The following DPP10 variants were observed in gnomAD, a reference collection of about 807,000 sequenced individuals.
DPP10 encodes inactive dipeptidyl peptidase 10.
In DPP10, 33 loss-of-function variants were observed where a neutral mutation model predicts 120.9. That is an observed-to-expected ratio of 0.27 (90% CI 0.21 to 0.37). DPP10 has a LOEUF of 0.37. DPP10 is among the 10% of genes least tolerant of loss of function. The pLI, the probability that DPP10 is intolerant of heterozygous loss-of-function variation, is 1.00. For missense variants in DPP10, 816 were observed against 942.8 expected (o/e 0.87, Z 1.76); for synonymous variants, 337 against 326.1 (o/e 1.03, Z -0.36).
At chr2:115,363,506 T>G (rs2064907169) in intron 3 of DPP10, among the ~76,000 whole-genome samples, 1 of 152,124 alleles carries the variant, frequency 6.6e-6, no homozygotes, top group African/African-American at 2.4e-5. Context: ...TATCTGTGAA[T>G]CAGTGTACAG....
intron 1 of DPP10, among the ~76,000 whole-genome samples, chr2:114,749,698 CACA>C (rs1311086466): frequency 2.0e-5 from 3 of 151,710 alleles, no homozygotes; most frequent in Non-Finnish European, 4.4e-5. Flanking sequence ...GCCTTGGTCT[CACA>C]ACAAGCCGGG....
intron 1 of DPP10, among the ~76,000 whole-genome samples, chr2:114,447,776 A>G (rs2104526386): frequency 6.6e-6 from 1 of 152,338 alleles, no homozygotes; most frequent in Non-Finnish European, 1.5e-5. Context: ...TTTCTTCAGC[A>G]TTAGGATGAG....
At chr2:114,482,564 G>A (rs10204212) in intron 1 of DPP10, among the ~76,000 whole-genome samples, 17,419 of 152,118 alleles carry the variant, frequency 0.11, 2,565 homozygotes, top group African/African-American at 0.34. Flanking sequence ...GATTTTGGCT[G>A]GGTTCATTTA....
chr2:115,720,181 T>C (rs2092610268), intron 7 of DPP10, among the ~76,000 whole-genome samples: 1 of 152,222 alleles, frequency 6.6e-6, no homozygotes, highest in South Asian at 2.1e-4. Flanking sequence ...TTGCTTCACA[T>C]CCTTGGCAAC....
chr2:114,608,588 A>G (rs959562710), intron 1 of DPP10, among the ~76,000 whole-genome samples: 1 of 152,278 alleles, frequency 6.6e-6, no homozygotes, highest in Middle Eastern at 3.4e-3. Context: ...TGTACCAAAA[A>G]GACACATACA....
At chr2:115,065,395 G>A (rs977264905) in intron 1 of DPP10, among the ~76,000 whole-genome samples, 1 of 152,154 alleles carries the variant, frequency 6.6e-6, no homozygotes, top group African/African-American at 2.4e-5. Context: ...CAACCAGGTG[G>A]CCTCTGCCTT....
chr2:114,667,942 T>C (rs893358072), intron 1 of DPP10, among the ~76,000 whole-genome samples: 2 of 152,204 alleles, frequency 1.3e-5, no homozygotes, highest in African/African-American at 2.4e-5. Flanking sequence ...TCAATAAGTA[T>C]AGACTGATTG....
intron 3 of DPP10, among the ~76,000 whole-genome samples, chr2:115,451,217 G>A (rs929288656): frequency 6.6e-6 from 1 of 151,890 alleles, no homozygotes; most frequent in Non-Finnish European, 1.5e-5. Flanking sequence ...TTGCTAAAAA[G>A]TTGACAGTAT....
chr2:115,618,645 C>A (rs1483898965), intron 5 of DPP10, among the ~76,000 whole-genome samples: 1 of 152,128 alleles, frequency 6.6e-6, no homozygotes, highest in South Asian at 2.1e-4. Context: ...TTTATCTACA[C>A]ATACAAATCC....
chr2:114,590,404 G>A (rs1000568735), intron 1 of DPP10, among the ~76,000 whole-genome samples: 1 of 152,076 alleles, frequency 6.6e-6, no homozygotes, highest in African/African-American at 2.4e-5. Context: ...ATGAGCAATT[G>A]CTTTTCTTAA....
chr2:115,579,808 AATTAAT>A (rs1185390086), intron 5 of DPP10: 1 of 152,100 alleles, frequency 6.6e-6, no homozygotes, highest in African/African-American at 2.4e-5. Context: ...ATTTTTTAAA[AATTAAT>A]TTTAATTTTT....
At chr2:114,983,616 T>C (rs1220811199) in intron 1 of DPP10, among the ~76,000 whole-genome samples, 1 of 152,152 alleles carries the variant, frequency 6.6e-6, no homozygotes, top group Admixed American at 6.5e-5. Context: ...TCATGAGTTA[T>C]ATAAAACTCA....
intron 5 of DPP10, among the ~76,000 whole-genome samples, chr2:115,566,108 T>G (rs898579160): frequency 6.6e-6 from 1 of 152,086 alleles, no homozygotes; most frequent in Non-Finnish European, 1.5e-5. Flanking sequence ...TTTTTGACAA[T>G]AATACTATCG....
intron 1 of DPP10, among the ~76,000 whole-genome samples, chr2:115,170,814 A>G (rs2053262804): frequency 6.6e-6 from 1 of 152,180 alleles, no homozygotes; most frequent in Non-Finnish European, 1.5e-5. Context: ...CCTCACATTT[A>G]TGAAGGTTGC....
At chr2:114,849,167 C>T (rs553618469) in intron 1 of DPP10, among the ~76,000 whole-genome samples, 38 of 152,226 alleles carry the variant, frequency 2.5e-4, no homozygotes, top group African/African-American at 8.2e-4. Flanking sequence ...CAGTTTGACT[C>T]TTCACATACA....
At chr2:114,643,936 T>C (rs1362304744) in intron 1 of DPP10, among the ~76,000 whole-genome samples, 1 of 112,068 alleles carries the variant, frequency 8.9e-6, no homozygotes, top group East Asian at 2.7e-4. Flanking sequence ...TATATATATA[T>C]TTTTTTTTTT....
intron 11 of DPP10, among the ~76,000 whole-genome samples, chr2:115,761,238 T>C (rs2149787649): frequency 6.6e-6 from 1 of 152,258 alleles, no homozygotes; most frequent in Admixed American, 6.5e-5. Context: ...GACACCATCT[T>C]ATTTTTACAT....
At chr2:115,091,626 G>A (rs537520242) in intron 1 of DPP10, among the ~76,000 whole-genome samples, 8 of 152,128 alleles carry the variant, frequency 5.3e-5, no homozygotes, top group South Asian at 2.1e-4. Context: ...TTCATTGGCC[G>A]TCCGTCCTAC....
chr2:115,160,856 T>C (rs927047824), intron 1 of DPP10, among the ~76,000 whole-genome samples: 1 of 151,976 alleles, frequency 6.6e-6, no homozygotes, highest in African/African-American at 2.4e-5. Flanking sequence ...GGGGATTTGG[T>C]AGGTTTGCCG....
Sources: allele counts gnomAD v4.1 joint callset (sites outside exome capture counted in the v4.1 genomes callset), GRCh38; gene constraint gnomAD v4.1.1; transcripts MANE v1.5; gene names NCBI Gene and HGNC (gene_info 2026-07-23, HGNC 2026-07-21).